SYT14: variants seen among roughly 807,000 people sequenced by gnomAD.
SYT14 encodes the protein synaptotagmin 14, also known as synaptotagmin-14.
A neutral mutation model predicts 74.2 loss-of-function variants in SYT14; 32 were observed. That is an observed-to-expected ratio of 0.43 (90% CI 0.33 to 0.58). SYT14 has a LOEUF of 0.58. Among genes scored for constraint, SYT14 ranks in the 20% least tolerant of loss-of-function variants. The probability of loss-of-function intolerance (pLI) is 0.05; values close to 1 mark genes in which losing one functional copy is unlikely to be tolerated. For missense variants in SYT14, 791 were observed against 981.8 expected (o/e 0.81, Z 2.60); for synonymous variants, 298 against 337.7 (o/e 0.88, Z 1.29).
intron 1 of SYT14, among the ~76,000 whole-genome samples, chr1:209,945,025 C>T (rs2102653424): frequency 6.6e-6 from 1 of 152,178 alleles, no homozygotes; most frequent in South Asian, 2.1e-4. Flanking sequence ...AGCACTGCTT[C>T]TCCCTCTCTT....
At chr1:210,145,073 G>A (rs1386715373) in intron 7 of SYT14, among the ~76,000 whole-genome samples, 3 of 152,160 alleles carry the variant, frequency 2.0e-5, no homozygotes, top group Admixed American at 6.5e-5. Context: ...CTTAGTATGC[G>A]CTAAAGGTCT....
At chr1:210,041,675 A>G (rs2080793042) in intron 5 of SYT14, among the ~76,000 whole-genome samples, 1 of 152,164 alleles carries the variant, frequency 6.6e-6, no homozygotes, top group Admixed American at 6.5e-5. Flanking sequence ...AGTAGAAGAA[A>G]TCATAAACTT....
At chr1:210,037,169 G>A (rs1398935199) in intron 5 of SYT14, among the ~76,000 whole-genome samples, 1 of 151,970 alleles carries the variant, frequency 6.6e-6, no homozygotes, top group Non-Finnish European at 1.5e-5. Flanking sequence ...GAGATTGTAT[G>A]TTTCCAGGAA....
Position 210,106,110 on chromosome 1 carries a change from C to T in SYT14, c.2034+5649C>T, listed in dbSNP as rs996935722. On this transcript the variant is annotated intron_variant, in intron 7 of 9. Coordinates refer to ENST00000637265, the Ensembl canonical transcript of SYT14. Reference sequence around the variant, plus strand: ...TGCCTTCTTCTGAAAGAATCTAAGGCACCATATGTGTTGCAGATTTGATTA... The same window carrying T: ...TGCCTTCTTCTGAAAGAATCTAAGGTACCATATGTGTTGCAGATTTGATTA... 3.9e-5 allele frequency among the ~76,000 whole-genome samples: 6 copies of T among 152,182 alleles called. No homozygotes were observed. In the South Asian group the frequency reaches 1.2e-3, roughly 31 times the overall value.
intron 5 of SYT14, among the ~76,000 whole-genome samples, chr1:210,029,185 A>T (rs895528603): frequency 6.6e-6 from 1 of 152,200 alleles, no homozygotes; most frequent in Non-Finnish European, 1.5e-5. Context: ...CTTATCAGAT[A>T]TATGGTTTGC....
intron 2 of SYT14, among the ~76,000 whole-genome samples, chr1:209,970,616 T>C (rs1318053092): frequency 6.6e-6 from 1 of 150,652 alleles, no homozygotes; most frequent in Non-Finnish European, 1.5e-5. Context: ...CATTGGTAGT[T>C]TGGTAGGAAT....
intron 7 of SYT14, among the ~76,000 whole-genome samples, chr1:210,107,360 T>C (rs1416177088): frequency 6.6e-6 from 1 of 152,170 alleles, no homozygotes; most frequent in Non-Finnish European, 1.5e-5. Context: ...AGGTGAAACT[T>C]GAGTGGAGAA....
intron 5 of SYT14, among the ~76,000 whole-genome samples, chr1:210,087,057 A>G (rs532121898): frequency 3.1e-4 from 47 of 152,296 alleles, no homozygotes; most frequent in African/African-American, 1.1e-3. Flanking sequence ...CCTCATGACC[A>G]GCTGAGCATG....
In SYT14 at chr1:210,120,565, C is replaced by T. The variant is rs567780488; in HGVS notation, c.2034+20104C>T. ...TGCCTACAGTGTTCAGTACGGTAAC[C>T]TGCTGTACAGGTTGGTAGCCTAGGA... On this transcript the variant is annotated intron_variant, in intron 7 of 9. Coordinates refer to ENST00000637265, the Ensembl canonical transcript of SYT14. Among the ~76,000 whole-genome samples the T allele has an allele frequency of 2.1e-4, 32 of 152,138 alleles. No individual in the cohort carries two copies. The South Asian group carries it at 4.8e-3, about 23-fold the overall frequency.
At chr1:210,049,310 T>G (rs951050441) in intron 5 of SYT14, among the ~76,000 whole-genome samples, 1 of 152,100 alleles carries the variant, frequency 6.6e-6, no homozygotes, top group Non-Finnish European at 1.5e-5. Flanking sequence ...GCCCCACCTC[T>G]GCAGCAAACT....
rs147122342 is a variant in SYT14 at position 210,027,664 on chromosome 1, T to C, written c.1312+6410T>C. Among the ~76,000 whole-genome samples the C allele has an allele frequency of 6.6e-5, 10 of 152,226 alleles. No individual in the cohort carries two copies. In the East Asian group the frequency reaches 1.9e-3, roughly 29 times the overall value. On this transcript the variant is annotated intron_variant, in intron 5 of 9. Coordinates refer to ENST00000637265, the Ensembl canonical transcript of SYT14. The stretch of plus-strand genomic sequence containing the variant: ...TTTATTTAGATTTTGGGTAAGCTTT[T>C]TTCTTAATTTCAGATTTTTGTTTAT...
At chr1:210,061,282 G>A (rs899947236) in intron 5 of SYT14, among the ~76,000 whole-genome samples, 1 of 151,966 alleles carries the variant, frequency 6.6e-6, no homozygotes, top group African/African-American at 2.4e-5. Context: ...GAGCAATGAT[G>A]TTCGTATCTG....
At chr1:210,088,832 A>G (rs763520869) in intron 5 of SYT14, among the ~76,000 whole-genome samples, 1 of 151,924 alleles carries the variant, frequency 6.6e-6, no homozygotes, top group Non-Finnish European at 1.5e-5. Flanking sequence ...GATTAGCCAC[A>G]TTCTACAAGT....
chr1:210,171,272 G>A (rs2083523394), exon 10 of SYT14: 1 of 152,076 alleles, frequency 6.6e-6, no homozygotes, highest in African/African-American at 2.4e-5. Context: ...TTAAACGTTT[G>A]GTGCTCTAAA....
chr1:210,059,457 G>T (rs865826347), intron 5 of SYT14, among the ~76,000 whole-genome samples: 2,859 of 108,930 alleles, frequency 0.026, 33 homozygotes, highest in African/African-American at 0.037. Flanking sequence ...TATATAGAGA[G>T]AGAGAGAGAG....
chr1:209,990,821 G>A (rs1037982291), intron 2 of SYT14, among the ~76,000 whole-genome samples: 4 of 151,488 alleles, frequency 2.6e-5, no homozygotes, highest in Non-Finnish European at 4.4e-5. Context: ...TCATTTCCTC[G>A]TTAGAAAAAG....
At chr1:210,150,694 T>C (rs1424627200) in intron 7 of SYT14, among the ~76,000 whole-genome samples, 1 of 152,226 alleles carries the variant, frequency 6.6e-6, no homozygotes, top group Admixed American at 6.5e-5. Flanking sequence ...CTGAATGCTA[T>C]CTTCCAGACA....
intron 7 of SYT14, among the ~76,000 whole-genome samples, chr1:210,104,617 A>G (rs72743419): frequency 6.5e-4 from 99 of 152,196 alleles, no homozygotes; most frequent in Non-Finnish European, 1.3e-3. Context: ...TTGGTACTAT[A>G]TTACTCTCTA....
chr1:210,042,519 C>T (rs1452693178), intron 5 of SYT14, among the ~76,000 whole-genome samples: 1 of 152,146 alleles, frequency 6.6e-6, no homozygotes, highest in Non-Finnish European at 1.5e-5. Context: ...TTTAATCCAT[C>T]TTGAGTTAAT....
Sources: allele counts gnomAD v4.1 joint callset (sites outside exome capture counted in the v4.1 genomes callset), GRCh38; gene constraint gnomAD v4.1.1; transcripts MANE v1.5; gene names NCBI Gene and HGNC (gene_info 2026-07-23, HGNC 2026-07-21).